The following MMP28 variants were observed in gnomAD, a reference collection of about 807,000 sequenced individuals.
MMP28 encodes the protein matrix metalloproteinase-28.
A neutral mutation model predicts 60.5 loss-of-function variants in MMP28; 55 were observed. That is an observed-to-expected ratio of 0.91 (90% CI 0.73 to 1.14). The LOEUF (loss-of-function observed/expected upper bound fraction) is 1.14. MMP28 is among the 50% of genes most tolerant of loss of function. The pLI, the probability that MMP28 is intolerant of heterozygous loss-of-function variation, is 0.00. For missense variants in MMP28, 686 were observed against 738.3 expected, an observed-to-expected ratio of 0.93 and a Z score of 0.82; for synonymous variants, 318 against 312.5, an observed-to-expected ratio of 1.02 and a Z score of -0.18.
chr17:35,764,380 G>T, downstream of MMP28: 2 of 1,466,102 alleles, frequency 1.4e-6, no homozygotes, highest in Middle Eastern at 2.4e-4. Context: ...GGGCCCCAGG[G>T]AGGAGGGGCT....
At chr17:35,773,570 A>G (rs377133677) in intron 3 of MMP28, among the ~76,000 whole-genome samples, 166 bp from the exon 4 acceptor site, 3 of 152,220 alleles carry the variant, frequency 2.0e-5, no homozygotes, top group African/African-American at 7.2e-5. Context: ...CTGGGGCGAT[A>G]CTGCCTGGCT....
intron 4 of MMP28, among the ~76,000 whole-genome samples, chr17:35,772,333 C>T (rs1052969212): frequency 4.1e-4 from 63 of 152,320 alleles, no homozygotes; most frequent in African/African-American, 1.4e-3. Context: ...AGAACCATGT[C>T]AGGTAGATCA....
intron 4 of MMP28, among the ~76,000 whole-genome samples, chr17:35,772,154 G>A (rs1555605977): frequency 1.3e-5 from 2 of 152,148 alleles, no homozygotes; most frequent in Non-Finnish European, 2.9e-5. Flanking sequence ...GTCTCCAGCT[G>A]TTTCAAGCAT....
intron 3 of MMP28, 187 bp downstream of exon 3, chr17:35,778,701 T>C (rs2143423688): frequency 2.2e-6 from 3 of 1,350,720 alleles, no homozygotes; most frequent in African/African-American, 1.5e-5. Flanking sequence ...GTAGGTGTCA[T>C]TCTGAATTAA....
At chr17:35,757,666 T>C (rs1465398905) in intron 2 of MMP28, among the ~76,000 whole-genome samples, 1 of 152,226 alleles carries the variant, frequency 6.6e-6, no homozygotes, top group African/African-American at 2.4e-5. Context: ...GCTCTAAGTT[T>C]AGGAGGCCCC....
rs1555603066 is a variant in MMP28 at position 35,766,276 on chromosome 17, C to T, written c.*224G>A. ...CCAAGGGATCTGGGACCCTTTTTTG[C>T]TTTTCCTAAGATTGATCCCACCCCC... On this transcript the variant is annotated 3_prime_UTR_variant, in exon 8 of 8. Coordinates refer to ENST00000605424, the MANE Select transcript of MMP28 (RefSeq NM_024302.5). This position sits in a 1 kb window ranked among gnomAD's most constrained non-coding sequence, Gnocchi z 4.3. 10 of 1,314,772 alleles carry T rather than the reference C, an allele frequency of 7.6e-6. No individual in the cohort carries two copies. The highest frequency in any genetic ancestry group is 1.5e-5 in the African/African-American group (1 of 67,966). The allele number at this position is 1,314,772 out of a possible 1,614,324, so 81.4% of individuals were successfully genotyped here.
chr17:35,773,007 T>C (rs150873282), intron 4 of MMP28, among the ~76,000 whole-genome samples, 173 bp downstream of exon 4: 62 of 152,316 alleles, frequency 4.1e-4, no homozygotes, highest in Non-Finnish European at 5.9e-4. Context: ...TGACACATAA[T>C]AGGGCAGGGA....
intron 1 of MMP28, among the ~76,000 whole-genome samples, chr17:35,792,636 G>T (rs2086846141): frequency 6.6e-6 from 1 of 152,214 alleles, no homozygotes; most frequent in Non-Finnish European, 1.5e-5. Context: ...TTTAGGAATT[G>T]CAGCTCTGTG....
At chr17:35,764,824 G>C (rs587767145), downstream of MMP28, 8 of 537,914 alleles carry the variant, frequency 1.5e-5, no homozygotes, top group Admixed American at 1.3e-4. Flanking sequence ...CCAGTGCAGA[G>C]CCCAGCATAA....
chr17:35,778,723 C>T, intron 3 of MMP28, 165 bp downstream of exon 3: 4 of 1,445,090 alleles, frequency 2.8e-6, no homozygotes, highest in Middle Eastern at 2.3e-4. Context: ...TGTCTGTATT[C>T]ACAATCATGG....
At position 35,766,551 on chromosome 17, in the gene MMP28, C is replaced by T; in HGVS notation, c.1512G>A (p.Glu504=). 6.2e-7 allele frequency: 1 copy of T among 1,610,124 alleles called. No individual in the cohort carries two copies. The change falls in exon 8 of 8, where the codon GAG becomes GAA. Residue 504 remains glutamate, a synonymous_variant. Coordinates refer to ENST00000605424, the MANE Select transcript of MMP28 (RefSeq NM_024302.5). This position sits in a 1 kb window ranked among gnomAD's most constrained non-coding sequence, Gnocchi z 4.3. ...QATTSGRWAT[E]LPWMGCWHAN... ...CATGCCAGCAGCCCATCCAGGGCAGCTCGGTGGCCCAGCGGCCCGAGGTGG... is the reference window on the plus strand; with the variant it reads ...CATGCCAGCAGCCCATCCAGGGCAGTTCGGTGGCCCAGCGGCCCGAGGTGG...
At chr17:35,763,991 T>A, downstream of MMP28, 1 of 1,526,338 alleles carries the variant, frequency 6.6e-7, no homozygotes, top group African/African-American at 1.4e-5. Flanking sequence ...TGCCCTGACC[T>A]CCTCCCGGCC....
chr17:35,779,122 A>T, intron 2 of MMP28, 47 bp from the exon 3 acceptor site: 5 of 1,592,450 alleles, frequency 3.1e-6, no homozygotes, highest in Non-Finnish European at 4.3e-6. Context: ...GGTAAGGGTG[A>T]GGGCAGGGAA....
intron 2 of MMP28, chr17:35,757,050 T>C (rs964698353): frequency 1.3e-5 from 2 of 151,724 alleles, no homozygotes; most frequent in African/African-American, 2.4e-5. Flanking sequence ...ATACAAAAAC[T>C]AGCTGGGTGT....
chr17:35,778,923 G>T lies in MMP28; in HGVS notation c.344C>A (p.Thr115Asn), dbSNP rs747351869. ...RISDLFARHRTKMRRKKRFAK... is the reference protein window; with the variant it reads ...RISDLFARHRNKMRRKKRFAK... ...AAAGCGTTTCTTACGCCTCATTTTG[G>T]TCCGGTGTCTAGCAAACAAGTCACT... The change falls in exon 3 of 8, where the codon ACC becomes AAC. Residue 115 changes from threonine to asparagine, a missense_variant. By Grantham distance (65) the Thr-to-Asn change is moderately conservative. Coordinates refer to ENST00000605424, the MANE Select transcript of MMP28 (RefSeq NM_024302.5). 6.2e-7 allele frequency: 1 copy of T among 1,614,024 alleles called. No individual in the cohort carries two copies. The highest frequency in any genetic ancestry group is 8.5e-7 in the Non-Finnish European group (1 of 1,179,898).
intron 1 of MMP28, among the ~76,000 whole-genome samples, chr17:35,788,385 G>C (rs1282666019): frequency 6.6e-6 from 1 of 152,116 alleles, no homozygotes; most frequent in African/African-American, 2.4e-5. Context: ...ATCAAGGGTG[G>C]GTTTAGGGAG....
chr17:35,792,277 A>T (rs1189299789), intron 1 of MMP28, among the ~76,000 whole-genome samples: 1 of 152,058 alleles, frequency 6.6e-6, no homozygotes, highest in East Asian at 1.9e-4. Flanking sequence ...AGTAGGTCAT[A>T]AAAAGGATAT....
At chr17:35,765,765 G>C (rs900247450), downstream of MMP28, 2 of 814,282 alleles carry the variant, frequency 2.5e-6, no homozygotes, top group African/African-American at 3.7e-5. Context: ...CAGCTGCCTA[G>C]CCCTGGCTTG....
chr17:35,794,357 T>C (rs2086902787), intron 1 of MMP28, among the ~76,000 whole-genome samples: 1 of 150,840 alleles, frequency 6.6e-6, no homozygotes, highest in Non-Finnish European at 1.5e-5. Flanking sequence ...GTGATTCTCC[T>C]ATCTCAGCCT....
Sources: allele counts gnomAD v4.1 joint callset (sites outside exome capture counted in the v4.1 genomes callset), GRCh38; gene constraint gnomAD v4.1.1; non-coding constraint Gnocchi (gnomAD v3.1); transcripts MANE v1.5; gene names NCBI Gene and HGNC (gene_info 2026-07-23, HGNC 2026-07-21).